The following RIN2 variants were observed in gnomAD, a reference collection of about 807,000 sequenced individuals.
The protein encoded by RIN2 is RAB5 interacting protein 2.
Under a neutral mutation model 78.0 loss-of-function variants are expected in RIN2, and 36 were observed. The ratio of observed to expected loss-of-function variants is 0.46; its 90% confidence interval spans 0.35 to 0.61. The LOEUF (loss-of-function observed/expected upper bound fraction) is 0.61, where lower values mean the gene tolerates loss of function less well. Among genes scored for constraint, RIN2 ranks in the 20% least tolerant of loss-of-function variants. RIN2 has a pLI of 0.00. For missense variants in RIN2, 1,087 were observed against 1,159.7 expected, an observed-to-expected ratio of 0.94 and a Z score of 0.91; for synonymous variants, 466 against 466.8, an observed-to-expected ratio of 1.00 and a Z score of 0.02.
intron 3 of RIN2, among the ~76,000 whole-genome samples, chr20:19,920,290 T>A (rs2941017): frequency 6.9e-6 from 1 of 145,606 alleles, no homozygotes; most frequent in Non-Finnish European, 1.5e-5. Context: ...AGCGAGACTC[T>A]GTCTCAAAAA....
At position 19,975,456 on chromosome 20, in the gene RIN2, C is replaced by A. The variant is rs780555265; in HGVS notation, c.1431C>A (p.Ile477=). The A allele has an allele frequency of 4.3e-6, 7 of 1,614,082 alleles. No individual in the cohort carries two copies. In the Admixed American group the frequency reaches 1.0e-4, roughly 23 times the overall value. Residue 477 remains isoleucine (I), a synonymous_variant, in exon 9 of 13, where the codon ATC becomes ATA. Transcript: ENST00000255006. The surrounding 1 kb of genome is among the most constrained non-coding windows in gnomAD (Gnocchi z 4.9). ...ACCAAGAGACCATGGCGCCCCCCAT[C>A]AAGTCCAAAAAGAAAAGGAGCAGCT... The part of the protein sequence containing the change: ...ESDQETMAPP[I]KSKKKRSSSF...
intron 3 of RIN2, 76 bp from the exon 4 acceptor site, chr20:19,935,023 C>G (rs2040580012): frequency 5.7e-6 from 6 of 1,059,574 alleles, no homozygotes; most frequent in Non-Finnish European, 8.6e-6. Flanking sequence ...TATTGAAAAG[C>G]CTGAGTTCCC....
At chr20:19,939,015 C>T (rs867787244) in intron 4 of RIN2, among the ~76,000 whole-genome samples, 14 of 152,146 alleles carry the variant, frequency 9.2e-5, no homozygotes, top group Middle Eastern at 3.2e-3. Context: ...CTGCCCTCCT[C>T]CCATCCATCT....
intron 2 of RIN2, among the ~76,000 whole-genome samples, chr20:19,835,426 A>G (rs185713185): frequency 3.3e-5 from 5 of 152,358 alleles, no homozygotes; most frequent in Admixed American, 1.3e-4. Flanking sequence ...AGGGCAGAAT[A>G]TTTTAAAGTC....
intron 3 of RIN2, among the ~76,000 whole-genome samples, chr20:19,920,882 A>G (rs2039888309): frequency 6.6e-6 from 1 of 152,220 alleles, no homozygotes; most frequent in Non-Finnish European, 1.5e-5. Flanking sequence ...CATGTTGGCC[A>G]GGCTGGTCTT....
rs11471757 is a variant in RIN2 at position 19,785,275 on chromosome 20, T to TACAC, written c.-162-14324_-162-14321dup. Among the ~76,000 whole-genome samples the TACAC allele has an allele frequency of 4.8e-3, 682 of 143,046 alleles. 4 individuals are homozygous for TACAC. The highest frequency in any genetic ancestry group is 9.3e-3 in the African/African-American group (368 of 39,382). The allele number at this position is 143,046 out of a possible 152,430, so 93.8% of individuals were successfully genotyped here. A position where few individuals can be genotyped will look rare whatever the true frequency, so the allele number is the denominator to read the frequency against. ...TAGTCAATGTTCTCACCCCTCTACA[T>TACAC]ACACACACACACACACACACACACA... is the stretch of plus-strand genomic sequence containing the variant. On this transcript the variant is annotated intron_variant, in intron 1 of 12. Coordinates refer to ENST00000255006, the MANE Select transcript of RIN2 (RefSeq NM_018993.4).
At chr20:19,977,247 G>A (rs572337221) in intron 9 of RIN2, among the ~76,000 whole-genome samples, 1 of 152,274 alleles carries the variant, frequency 6.6e-6, no homozygotes, top group South Asian at 2.1e-4. Context: ...GTGGCCAGCG[G>A]CGCCAACCAG....
rs367710811 is a variant in RIN2 at position 19,995,686 on chromosome 20, AG to A, written c.2201-985del. ...CAGATGTTATGTTAGTCCCAAAGGA[AG>A]GGGGGGGTAAGAAAGGGAATCAAGG... On this transcript the variant is annotated intron_variant, in intron 11 of 12. Transcript: ENST00000255006. Among the ~76,000 whole-genome samples, 346 of 151,774 alleles carry A rather than the reference AG, an allele frequency of 2.3e-3. 1 individual carries two copies. The highest frequency in any genetic ancestry group is 7.7e-3 in the African/African-American group (318 of 41,400).
intron 4 of RIN2, among the ~76,000 whole-genome samples, chr20:19,939,315 T>C (rs2040770295): frequency 6.6e-6 from 1 of 152,226 alleles, no homozygotes; most frequent in African/African-American, 2.4e-5. Context: ...CCCAAAGTGC[T>C]GGGATTACAG....
chr20:19,982,078 C>A (rs531872003), intron 9 of RIN2, among the ~76,000 whole-genome samples: 6 of 152,298 alleles, frequency 3.9e-5, no homozygotes, highest in South Asian at 2.1e-4. Flanking sequence ...ACTGCAGGAA[C>A]CCCAGTGTGG....
intron 4 of RIN2, among the ~76,000 whole-genome samples, chr20:19,941,742 G>A (rs968074241): frequency 1.3e-5 from 2 of 152,134 alleles, no homozygotes; most frequent in Non-Finnish European, 2.9e-5. Context: ...TCCTGAACAT[G>A]ATTTCAATGA....
At chr20:19,946,529 C>T (rs2041096638) in intron 4 of RIN2, among the ~76,000 whole-genome samples, 1 of 151,956 alleles carries the variant, frequency 6.6e-6, no homozygotes, top group African/African-American at 2.4e-5. Context: ...ACCAGCATGG[C>T]CAACATGGCG....
rs547362021 is a variant in RIN2, at chr20:19,936,767, T to G, written c.158+1568T>G. Among the ~76,000 whole-genome samples, 5 of 152,346 alleles carry G rather than the reference T, an allele frequency of 3.3e-5. No individual in the cohort carries two copies. In the South Asian group the frequency reaches 1.0e-3, roughly 32 times the overall value. On this transcript the variant is annotated intron_variant, in intron 4 of 12. Coordinates refer to ENST00000255006, the MANE Select transcript of RIN2 (RefSeq NM_018993.4). ...TCCTTTTCAGAGGTAAGAATAACTGTAAGCAGTCCACAACAGCCTTTTTTC... is the reference window on the plus strand; with the variant it reads ...TCCTTTTCAGAGGTAAGAATAACTGGAAGCAGTCCACAACAGCCTTTTTTC...
chr20:19,850,914 C>T (rs1237754951), intron 2 of RIN2, among the ~76,000 whole-genome samples: 1 of 151,570 alleles, frequency 6.6e-6, no homozygotes, highest in East Asian at 2.0e-4. Flanking sequence ...GCAGAAATTG[C>T]AGTAAGCCAA....
chr20:19,982,208 C>T (rs766025770), intron 9 of RIN2, among the ~76,000 whole-genome samples: 12 of 152,264 alleles, frequency 7.9e-5, no homozygotes, highest in East Asian at 1.9e-4. Flanking sequence ...CTGGTGGAGA[C>T]GCCACCCAGT....
intron 2 of RIN2, among the ~76,000 whole-genome samples, chr20:19,823,125 T>A (rs1363729127): frequency 6.6e-6 from 1 of 152,188 alleles, no homozygotes; most frequent in Non-Finnish European, 1.5e-5. Flanking sequence ...CTGCTCAAAG[T>A]CACGCCTTTA....
At chr20:19,883,514 G>A (rs1417206683) in intron 2 of RIN2, among the ~76,000 whole-genome samples, 1 of 151,828 alleles carries the variant, frequency 6.6e-6, no homozygotes, top group Non-Finnish European at 1.5e-5. Flanking sequence ...TCATGTTTTT[G>A]TTATTATTTG....
intron 3 of RIN2, among the ~76,000 whole-genome samples, chr20:19,923,513 C>T (rs939508870): frequency 2.7e-5 from 4 of 148,698 alleles, no homozygotes; most frequent in Non-Finnish European, 4.4e-5. Flanking sequence ...AGGTGTGGTT[C>T]ACACCTGTAA....
intron 2 of RIN2, among the ~76,000 whole-genome samples, chr20:19,844,068 G>A (rs1054342639): frequency 6.6e-6 from 1 of 152,076 alleles, no homozygotes; most frequent in African/African-American, 2.4e-5. Context: ...AAATCATATT[G>A]AAATCCTCCA....
Sources: allele counts gnomAD v4.1 joint callset (sites outside exome capture counted in the v4.1 genomes callset), GRCh38; gene constraint gnomAD v4.1.1; non-coding constraint Gnocchi (gnomAD v3.1); transcripts MANE v1.5; gene names NCBI Gene and HGNC (gene_info 2026-07-23, HGNC 2026-07-21).